Variants in ATAD3A observed in about 807,000 individuals in gnomAD.
ATAD3A encodes the protein ATPase family AAA domain containing 3A.
In ATAD3A, 46 loss-of-function variants were observed where a neutral mutation model predicts 73.8. The ratio of observed to expected loss-of-function variants is 0.62; its 90% CI spans 0.49 to 0.80. ATAD3A has a LOEUF of 0.80. Among genes scored for constraint, ATAD3A ranks in the 30% least tolerant of loss-of-function variants. The pLI is 0.00. For synonymous variants in ATAD3A, 319 were observed against 350.0 expected (o/e 0.91, Z 0.99); for missense variants, 705 against 838.0 (o/e 0.84, Z 1.96).
intron 15 of ATAD3A, among the ~76,000 whole-genome samples, chr1:1,532,912 G>A (rs566490788): frequency 1.6e-4 from 24 of 151,986 alleles, no homozygotes; most frequent in Non-Finnish European, 2.8e-4. Context: ...GTGGCGGTGC[G>A]GCTCCGGTCA....
intron 2 of ATAD3A, 118 bp downstream of exon 2, chr1:1,516,206 C>T (rs1641352706): frequency 4.8e-6 from 7 of 1,470,736 alleles, no homozygotes; most frequent in South Asian, 4.8e-5. Context: ...AGCAGTGGGG[C>T]CCAGGGCCAA....
At chr1:1,522,031 A>G (rs1171091871) in intron 7 of ATAD3A, among the ~76,000 whole-genome samples, 1 of 150,686 alleles carries the variant, frequency 6.6e-6, no homozygotes, top group East Asian at 2.0e-4. Flanking sequence ...GCCTGGCCTA[A>G]TTCATTTTTT....
At chr1:1,519,898 C>G (rs1420378825) in intron 5 of ATAD3A, among the ~76,000 whole-genome samples, 1 of 152,278 alleles carries the variant, frequency 6.6e-6, no homozygotes. Flanking sequence ...GTGGCATGGA[C>G]CTGTCCGTGG....
At chr1:1,524,080 C>CT (rs1641712748) in intron 10 of ATAD3A, 116 bp downstream of exon 10, 1 of 1,581,516 alleles carries the variant, frequency 6.3e-7, no homozygotes, top group Non-Finnish European at 8.6e-7. Flanking sequence ...TTTGCCCACC[C>CT]TCGTGTAGGC....
At chr1:1,521,356 G>A (rs1285165894) in intron 7 of ATAD3A, among the ~76,000 whole-genome samples, 30 of 134,842 alleles carry the variant, frequency 2.2e-4, no homozygotes, top group Admixed American at 2.2e-3. Context: ...ACTCCATTTT[G>A]CAAAAACCTT....
chr1:1,530,974 G>A (rs1642014966), intron 15 of ATAD3A, among the ~76,000 whole-genome samples: 1 of 151,672 alleles, frequency 6.6e-6, no homozygotes, highest in Non-Finnish European at 1.5e-5. Flanking sequence ...TGGCCAACAA[G>A]GCCAATCTCA....
chr1:1,527,692 C>A lies in ATAD3A; in HGVS notation c.1338-3C>A, dbSNP rs761556797. On this transcript the variant is annotated splice_region_variant and splice_polypyrimidine_tract_variant and intron_variant, in intron 13 of 15. Coordinates refer to ENST00000378756, the MANE Select transcript of ATAD3A (RefSeq NM_001170535.3). ...CATCCTCATCCTCATCCCCGCCCCG[C>A]AGGTTCATGCTGGTCCTGGCCAGCA... 1.2e-6 allele frequency: 2 copies of A among 1,608,002 alleles called. No individual in the cohort carries two copies. Among genetic ancestry groups the A allele is most frequent in the Admixed American group, 3.4e-5 (2 of 59,518 alleles).
chr1:1,532,221 G>A (rs575177954), intron 15 of ATAD3A, among the ~76,000 whole-genome samples: 1 of 152,182 alleles, frequency 6.6e-6, no homozygotes, highest in East Asian at 1.9e-4. Context: ...CTTTTCCAAC[G>A]ATGCTTATCA....
intron 14 of ATAD3A, 152 bp from the exon 15 acceptor site, chr1:1,529,071 G>A: frequency 1.6e-6 from 2 of 1,240,728 alleles, no homozygotes; most frequent in Non-Finnish European, 2.3e-6. Context: ...GCCTGCAGCA[G>A]GGAGGATGTG....
chr1:1,522,632 C>T (rs1422467273), intron 7 of ATAD3A, 112 bp from the exon 8 acceptor site: 1 of 1,555,440 alleles, frequency 6.4e-7, no homozygotes, highest in Non-Finnish European at 8.7e-7. Flanking sequence ...CAGTGCACGG[C>T]CCTGTGCTTC....
chr1:1,523,762 G>A lies in ATAD3A; in HGVS notation c.964-77G>A. On this transcript the variant is annotated intron_variant, in intron 9 of 15. Coordinates refer to ENST00000378756, the MANE Select transcript of ATAD3A (RefSeq NM_001170535.3). The surrounding 1 kb of genome is among the most constrained non-coding windows in gnomAD (Gnocchi z 5.1). ...TCCCGAGGAGCCGAGTCTGCACCCA[G>A]GCATTCCCGCAGCCCCTTCCCCTGA... 6.2e-7 allele frequency: 1 copy of A among 1,605,590 alleles called. No homozygotes were observed. The highest frequency in any genetic ancestry group is 8.5e-7 in the Non-Finnish European group (1 of 1,175,354).
chr1:1,522,719 C>A, intron 7 of ATAD3A, 25 bp from the exon 8 acceptor site: 1 of 1,610,624 alleles, frequency 6.2e-7, no homozygotes, highest in South Asian at 1.1e-5. Context: ...GGGGCCGGTG[C>A]GCCAGTGCGG....
intron 4 of ATAD3A, among the ~76,000 whole-genome samples, chr1:1,518,073 A>C (rs1385114141): frequency 6.6e-6 from 1 of 151,536 alleles, no homozygotes. Flanking sequence ...ACACGGGCAC[A>C]CACACACCCC....
intron 4 of ATAD3A, among the ~76,000 whole-genome samples, chr1:1,518,530 C>A (rs1557460563): frequency 1.7e-5 from 2 of 114,934 alleles, no homozygotes; most frequent in Admixed American, 1.9e-4. Flanking sequence ...CGCACAGACC[C>A]CACACACACA....
intron 7 of ATAD3A, among the ~76,000 whole-genome samples, 150 bp from the exon 8 acceptor site, chr1:1,522,579 TGGCTGTGGGATTCGG>T (rs1251670297): frequency 6.6e-6 from 1 of 152,190 alleles, no homozygotes; most frequent in Non-Finnish European, 1.5e-5. Context: ...TGTAACCGCG[TGGCTGTGGGATTCGG>T]GGCCGGGAAT....
chr1:1,522,934 T>C, intron 8 of ATAD3A, 35 bp downstream of exon 8: 2 of 1,599,690 alleles, frequency 1.3e-6, no homozygotes, highest in African/African-American at 1.4e-5. Flanking sequence ...CTGAGTGCAG[T>C]TCCTGGCTGA....
Position 1,523,015 on chromosome 1 carries a change from C to T in ATAD3A, c.906+116C>T, listed in dbSNP as rs1641661382. 4 of 1,491,066 alleles carry T rather than the reference C, an allele frequency of 2.7e-6. No individual in the cohort carries two copies. The highest frequency in any genetic ancestry group is 2.5e-5 in the East Asian group (1 of 40,432). 92.4% of individuals were successfully genotyped at this position (1,491,066 alleles called of 1,614,324 possible). The stretch of plus-strand genomic sequence containing the variant: ...CTTCCCTTTCCCCGGATAACGGGCA[C>T]CCGCACACTGCTTCACGGGTGGGTT... On this transcript the variant is annotated intron_variant, in intron 8 of 15. Transcript: ENST00000378756. The surrounding 1 kb of genome is among the most constrained non-coding windows in gnomAD (Gnocchi z 5.1).
At chr1:1,532,745 C>G (rs148625800) in intron 15 of ATAD3A, among the ~76,000 whole-genome samples, 3,957 of 152,258 alleles carry the variant, frequency 0.026, 157 homozygotes, top group African/African-American at 0.088. Context: ...CTCTTGGGTG[C>G]GCTCAAGACC....
intron 7 of ATAD3A, among the ~76,000 whole-genome samples, chr1:1,521,944 GT>G (rs1641614937): frequency 6.6e-6 from 1 of 152,192 alleles, no homozygotes. Flanking sequence ...GGCCAGGCTG[GT>G]CACGAACTTC....
Sources: gnomAD v4.1 joint callset for allele counts (sites outside exome capture counted in the v4.1 genomes callset) on GRCh38, gnomAD v4.1.1 for gene constraint, Gnocchi (gnomAD v3.1) non-coding constraint, MANE v1.5 for transcripts, NCBI Gene and HGNC (gene_info 2026-07-23, HGNC 2026-07-21) for gene names.